MEOX1: variants seen among roughly 807,000 people sequenced by gnomAD.
MEOX1 encodes mesenchyme homeobox 1.
MEOX1 carries 17 observed loss-of-function variants against 23.2 expected under a neutral mutation model. That is an observed-to-expected ratio of 0.73 (90% CI 0.50 to 1.10). The LOEUF (loss-of-function observed/expected upper bound fraction) is 1.10, where lower values mean the gene tolerates loss of function less well. Among genes scored for constraint, MEOX1 ranks in the 50% least tolerant of loss-of-function variants. MEOX1 has a pLI of 0.00. For missense variants in MEOX1, 333 were observed against 332.2 expected, an observed-to-expected ratio of 1.00 and a Z score of -0.02; for synonymous variants, 134 against 135.1, an observed-to-expected ratio of 0.99 and a Z score of 0.06.
rs192774040 is a variant in MEOX1, at chr17:43,656,636, G to A, written c.469+4430C>T. ...AGGCATGTCTCAGCAGAGTGAGGAC[G>A]TGAGAGCAGGAGGGAGCAGTGCTGA... On this transcript the variant is annotated intron_variant, in intron 1 of 2. Transcript: ENST00000318579. 4.6e-5 allele frequency among the ~76,000 whole-genome samples: 7 copies of A among 152,310 alleles called. No homozygotes were observed. The East Asian group carries it at 5.8e-4, about 13-fold the overall frequency.
At chr17:43,643,944 T>G (rs1972754261) in intron 1 of MEOX1, among the ~76,000 whole-genome samples, 1 of 135,142 alleles carries the variant, frequency 7.4e-6, no homozygotes, top group Non-Finnish European at 1.6e-5. Context: ...TCTTGGCTGT[T>G]TAATGACCTC....
intron 1 of MEOX1, among the ~76,000 whole-genome samples, chr17:43,652,101 A>G (rs925565635): frequency 3.9e-5 from 6 of 152,114 alleles, no homozygotes; most frequent in African/African-American, 1.4e-4. Context: ...TCTAATCAGG[A>G]GGCCGGGGAT....
chr17:43,661,160 G>A lies in MEOX1; in HGVS notation c.375C>T (p.Asp125=), dbSNP rs1455189035. The stretch of plus-strand genomic sequence containing the variant: ...AGTCATCGCCTGGGCCTCCTGTGGT[G>A]TCCACCAGGCCCAGGCTGCTGGTCC... ...EMGTSSLGLV[D]TTGGPGDDYG... Residue 125 remains aspartate (D), a synonymous_variant, in exon 1 of 3, where the codon GAC becomes GAT. Coordinates refer to ENST00000318579, the MANE Select transcript of MEOX1 (RefSeq NM_004527.4). The A allele has an allele frequency of 1.9e-6, 3 of 1,584,904 alleles. No homozygotes were observed. The highest frequency in any genetic ancestry group is 8.6e-7 in the Non-Finnish European group (1 of 1,166,118).
chr17:43,642,189 C>T (rs192822766), intron 2 of MEOX1, among the ~76,000 whole-genome samples, 157 bp from the exon 3 acceptor site: 8 of 152,290 alleles, frequency 5.3e-5, no homozygotes, highest in Non-Finnish European at 1.2e-4. Flanking sequence ...GAACTAGGAC[C>T]GAAGAGAGGA....
chr17:43,661,812 T>G lies in MEOX1; in HGVS notation c.-278A>C. 12 of 345,050 alleles carry G rather than the reference T, an allele frequency of 3.5e-5. No individual in the cohort carries two copies. The highest frequency in any genetic ancestry group is 9.0e-5 in the East Asian group (2 of 22,322). 21.4% of individuals were successfully genotyped at this position (345,050 alleles called of 1,614,324 possible). ...CACCAGCCTACCTACTGGGATCCCC[T>G]GTATGTGTATTTGTCGCCAATGACA... On this transcript the variant is annotated 5_prime_UTR_variant, in exon 1 of 3. Coordinates refer to ENST00000318579, the MANE Select transcript of MEOX1 (RefSeq NM_004527.4).
intron 1 of MEOX1, among the ~76,000 whole-genome samples, chr17:43,645,513 C>T (rs991101852): frequency 1.3e-5 from 2 of 152,130 alleles, no homozygotes; most frequent in Non-Finnish European, 2.9e-5. Flanking sequence ...GGCTGTGGCT[C>T]CGAGTGAGGT....
At chr17:43,650,046 GTACTC>G (rs1972887717) in intron 1 of MEOX1, among the ~76,000 whole-genome samples, 1 of 152,128 alleles carries the variant, frequency 6.6e-6, no homozygotes, top group Non-Finnish European at 1.5e-5. Context: ...CTGGAGTTCT[GTACTC>G]TACAGTCCAA....
chr17:43,645,501 G>A (rs961137127), intron 1 of MEOX1, among the ~76,000 whole-genome samples: 2 of 152,140 alleles, frequency 1.3e-5, no homozygotes, highest in Admixed American at 1.3e-4. Flanking sequence ...TATAGACATG[G>A]AGGCTGTGGC....
In MEOX1 at chr17:43,661,523, C is replaced by G. The variant is rs375591515; in HGVS notation, c.12G>C (p.Ala4=). The change falls in exon 1 of 3, where the codon GCG becomes GCC. Residue 4 remains alanine (A), a synonymous_variant. Transcript: ENST00000318579. Reference sequence around the variant, plus strand: ...GGAGGCTCCTCATGCAGCTGCTGGCCGCGGGATCCATCTGCTGTCCGCTGC... The same window carrying G: ...GGAGGCTCCTCATGCAGCTGCTGGCGGCGGGATCCATCTGCTGTCCGCTGC... The part of the protein sequence containing the change: MDP[A]ASSCMRSLQP... The G allele has an allele frequency of 6.4e-7, 1 of 1,564,530 alleles. No individual in the cohort carries two copies. The highest frequency in any genetic ancestry group is 8.7e-7 in the Non-Finnish European group (1 of 1,155,844).
At chr17:43,660,629 C>G (rs1973118444) in intron 1 of MEOX1, among the ~76,000 whole-genome samples, 1 of 152,224 alleles carries the variant, frequency 6.6e-6, no homozygotes, top group Non-Finnish European at 1.5e-5. Context: ...TCTTAGCTCT[C>G]AGAGCCTTAA....
At position 43,660,971 on chromosome 17, in the gene MEOX1, A is replaced by G. The variant is rs575365382; in HGVS notation, c.469+95T>C. On this transcript the variant is annotated intron_variant, in intron 1 of 2. Transcript: ENST00000318579. ...TCCTGCATTTGGATGGACTAGACAG[A>G]AATTCATGCTCAGAGCACCTAGGCA... 35 of 771,120 alleles carry G rather than the reference A, an allele frequency of 4.5e-5. No individual in the cohort carries two copies. The African/African-American group carries it at 6.1e-4, about 13-fold the overall frequency. 47.8% of individuals were successfully genotyped at this position (771,120 alleles called of 1,614,324 possible). A position where few individuals can be genotyped will look rare whatever the true frequency, so the allele number is the denominator to read the frequency against.
At chr17:43,643,263 C>A (rs887046076) in intron 2 of MEOX1, among the ~76,000 whole-genome samples, 1 of 152,120 alleles carries the variant, frequency 6.6e-6, no homozygotes, top group Non-Finnish European at 1.5e-5. Context: ...AGTAAGATCG[C>A]GCCACTGCAC....
Position 43,641,822 on chromosome 17 carries a change from G to A in MEOX1, c.*88C>T. ...AAGATGTGGAGAGGCTGCCCTGGCT[G>A]GGGAAGGAAGAGGGTGAAGGTGGGA... On this transcript the variant is annotated 3_prime_UTR_variant, in exon 3 of 3. Transcript: ENST00000318579. 7.2e-7 allele frequency: 1 copy of A among 1,389,660 alleles called. No individual in the cohort carries two copies. The highest frequency in any genetic ancestry group is 9.8e-7 in the Non-Finnish European group (1 of 1,023,364). The allele number at this position is 1,389,660 out of a possible 1,614,324, so 86.1% of individuals were successfully genotyped here. A position where few individuals can be genotyped will look rare whatever the true frequency, so the allele number is the denominator to read the frequency against.
At chr17:43,645,404 C>G (rs1972787967) in intron 1 of MEOX1, among the ~76,000 whole-genome samples, 1 of 152,112 alleles carries the variant, frequency 6.6e-6, no homozygotes, top group African/African-American at 2.4e-5. Flanking sequence ...ATCTCGATCT[C>G]CTGACCTCGT....
intron 1 of MEOX1, among the ~76,000 whole-genome samples, chr17:43,656,505 G>A (rs112109162): frequency 3.9e-5 from 6 of 152,232 alleles, no homozygotes; most frequent in African/African-American, 9.6e-5. Context: ...GTGGTTGGGC[G>A]GAGGCAGGCA....
chr17:43,659,763 C>T (rs541862170), intron 1 of MEOX1, among the ~76,000 whole-genome samples: 3 of 152,288 alleles, frequency 2.0e-5, no homozygotes, highest in Non-Finnish European at 2.9e-5. Context: ...CTCCCAAACC[C>T]GTGGGACTCA....
Position 43,661,674 on chromosome 17 carries a change from A to C in MEOX1, c.-140T>G, listed in dbSNP as rs895391383. On this transcript the variant is annotated 5_prime_UTR_variant, in exon 1 of 3. Coordinates refer to ENST00000318579, the MANE Select transcript of MEOX1 (RefSeq NM_004527.4). ...ACAGAAAATTTACCCCAGGAACCAA[A>C]AAAAAAAAAAAACCCAAAACTAAAG... The C allele has an allele frequency of 4.0e-6, 2 of 502,792 alleles. No individual in the cohort carries two copies. Among genetic ancestry groups the C allele is most frequent in the Non-Finnish European group, 6.7e-6 (2 of 299,446 alleles). 31.1% of individuals were successfully genotyped at this position (502,792 alleles called of 1,614,324 possible).
At chr17:43,657,026 C>CTTTCTTTCTTTCTTTA (rs1567748297) in intron 1 of MEOX1, among the ~76,000 whole-genome samples, 10 of 127,632 alleles carry the variant, frequency 7.8e-5, no homozygotes, top group Non-Finnish European at 1.7e-4. Flanking sequence ...TTCTTTCTTT[C>CTTTCTTTCTTTCTTTA]TTTCTTTCTT....
intron 1 of MEOX1, among the ~76,000 whole-genome samples, chr17:43,657,012 C>CTCTCTCTTTCTTTCTTTCTT (rs1555567819): frequency 1.9e-5 from 2 of 105,086 alleles, no homozygotes; most frequent in Non-Finnish European, 1.9e-5. Flanking sequence ...TTCTTTCTTT[C>CTCTCTCTTTCTTTCTTTCTT]TCTTTCTTTC....
Sources: allele counts gnomAD v4.1 joint callset (sites outside exome capture counted in the v4.1 genomes callset), GRCh38; gene constraint gnomAD v4.1.1; transcripts MANE v1.5; gene names NCBI Gene and HGNC (gene_info 2026-07-23, HGNC 2026-07-21).